Variants in LAIR1 observed in about 807,000 individuals in gnomAD.
LAIR1 encodes the protein leukocyte associated immunoglobulin like receptor 1.
LAIR1 carries 24 observed loss-of-function variants against 32.8 expected under a neutral mutation model. The observed-to-expected ratio is 0.73, with a 90% CI of 0.53 to 1.03. The LOEUF (loss-of-function observed/expected upper bound fraction) is 1.03, where lower values mean the gene tolerates loss of function less well. Ranked by LOEUF, LAIR1 falls within the 50% of genes least tolerant of loss-of-function variation. The probability of loss-of-function intolerance (pLI) is 0.00; values close to 1 mark genes in which losing one functional copy is unlikely to be tolerated. For missense variants in LAIR1, 355 were observed against 347.5 expected (o/e 1.02, Z -0.17); for synonymous variants, 150 against 140.5 (o/e 1.07, Z -0.48).
chr19:54,358,106 T>C (rs1296188342), intron 4 of LAIR1: 1 of 145,878 alleles, frequency 6.9e-6, no homozygotes, highest in Non-Finnish European at 1.5e-5. Context: ...TTATAATATA[T>C]GTTACATATA....
chr19:54,356,876 C>T (rs1355651020), intron 5 of LAIR1, 52 bp downstream of exon 5: 1 of 1,605,856 alleles, frequency 6.2e-7, no homozygotes, highest in African/African-American at 1.3e-5. Flanking sequence ...CCTCTTTCTC[C>T]TTCCCCAAGA....
In LAIR1 at chr19:54,364,230, C is replaced by T. The variant is rs2082153224; in HGVS notation, c.70+65G>A. On this transcript the variant is annotated intron_variant, in intron 2 of 9. Coordinates refer to ENST00000391742, the MANE Select transcript of LAIR1 (RefSeq NM_002287.6). This position sits in a 1 kb window ranked among gnomAD's most constrained non-coding sequence, Gnocchi z 4.8. Reference sequence around the variant, plus strand: ...AGGCCCTCTAAGAATCAACATCACTCCCACCCAGCACTGCCCTTGGGGTGA... The same window carrying T: ...AGGCCCTCTAAGAATCAACATCACTTCCACCCAGCACTGCCCTTGGGGTGA... 2.0e-6 allele frequency: 3 copies of T among 1,526,670 alleles called. No homozygotes were observed. The highest frequency in any genetic ancestry group is 2.8e-5 in the African/African-American group (2 of 72,416). The allele number at this position is 1,526,670 out of a possible 1,614,324, so 94.6% of individuals were successfully genotyped here.
In LAIR1 at chr19:54,364,302, C is replaced by G. The variant is rs368266206; in HGVS notation, c.63G>C (p.Thr21=). Residue 21 remains threonine, a synonymous_variant, in exon 2 of 10, where the codon ACG becomes ACC. Coordinates refer to ENST00000391742, the MANE Select transcript of LAIR1 (RefSeq NM_002287.6). This position sits in a 1 kb window ranked among gnomAD's most constrained non-coding sequence, Gnocchi z 4.8. ...GACGAAGGCATGACTTACCCTCCTGCGTGTGGATGGTCTGGGCCAGGCAGA... is the reference window on the plus strand; with the variant it reads ...GACGAAGGCATGACTTACCCTCCTGGGTGTGGATGGTCTGGGCCAGGCAGA... ...LVLCLAQTIH[T]QEEDLPRPSI... The G allele has an allele frequency of 1.2e-6, 2 of 1,613,694 alleles. No homozygotes were observed. Among genetic ancestry groups the G allele is most frequent in the Non-Finnish European group, 1.7e-6 (2 of 1,179,772 alleles).
In LAIR1 at chr19:54,354,123, A is replaced by G. The variant is rs899988973; in HGVS notation, c.*1145T>C. The G allele has an allele frequency of 2.6e-5, 4 of 152,160 alleles. No individual in the cohort carries two copies. The highest frequency in any genetic ancestry group is 5.9e-5 in the Non-Finnish European group (4 of 68,034). The allele number at this position is 152,160 out of a possible 1,614,324, so 9.4% of individuals were successfully genotyped here. A position where few individuals can be genotyped will look rare whatever the true frequency, so the allele number is the denominator to read the frequency against. ...CATAGGGTAATTTTCTGTGTCAATC[A>G]GTACATCTGACCCTACAGGTAGGGT... On this transcript the variant is annotated 3_prime_UTR_variant, in exon 10 of 10. Coordinates refer to ENST00000391742, the MANE Select transcript of LAIR1 (RefSeq NM_002287.6).
upstream of LAIR1, among the ~76,000 whole-genome samples, chr19:54,373,133 A>C (rs2082444683): frequency 2.0e-5 from 3 of 150,728 alleles, no homozygotes. Flanking sequence ...ACTCTGTCCT[A>C]AAAAAACAAA....
chr19:54,364,796 G>T lies in LAIR1; in HGVS notation c.9C>A (p.Pro3=), dbSNP rs777781568. 47 of 1,613,948 alleles carry T rather than the reference G, an allele frequency of 2.9e-5. No homozygotes were observed. The highest frequency in any genetic ancestry group is 1.1e-4 in the South Asian group (10 of 91,080). MS[P]HPTALLGLVL... is the part of the protein sequence containing the mutation. ...CTAGGCCCAGGAGGGCGGTGGGGTG[G>T]GGAGACATGGCCCAGGTCCCAGCAG... The change falls in exon 1 of 10, where the codon CCC becomes CCA. Residue 3 remains proline, a synonymous_variant. Transcript: ENST00000391742. The surrounding 1 kb of genome is among the most constrained non-coding windows in gnomAD (Gnocchi z 4.8).
At chr19:54,356,691 A>C in intron 5 of LAIR1, 72 bp from the exon 6 acceptor site, 4 of 1,464,692 alleles carry the variant, frequency 2.7e-6, no homozygotes, top group Non-Finnish European at 3.8e-6. Flanking sequence ...CACACACGTC[A>C]CGTGCGTTTC....
intron 4 of LAIR1, chr19:54,358,371 C>T (rs1274955768): frequency 1.1e-5 from 2 of 185,936 alleles, no homozygotes; most frequent in Non-Finnish European, 1.8e-5. Context: ...ATATAATTAT[C>T]TTCCTTATAT....
intron 5 of LAIR1, 74 bp from the exon 6 acceptor site, chr19:54,356,693 G>A (rs1028832617): frequency 1.5e-5 from 22 of 1,452,782 alleles, no homozygotes; most frequent in Admixed American, 6.9e-5. Context: ...CACACGTCAC[G>A]TGCGTTTCAT....
In LAIR1 at chr19:54,361,191, G is replaced by T. The variant is rs145871583; in HGVS notation, c.89C>A (p.Ser30Tyr). The change falls in exon 3 of 10, where the codon TCC (serine) becomes TAC (tyrosine). Residue 30 changes from serine (S) to tyrosine (Y), a missense_variant. Transcript: ENST00000391742. The stretch of plus-strand genomic sequence containing the variant: ...CACGGTGCCTGGCTCAGCCGAGATG[G>T]AGGGTCTGGGCAGATCTTCTAGGAG... ...HTQEEDLPRP[S>Y]ISAEPGTVIP... The T allele has an allele frequency of 8.1e-4, 1,302 of 1,614,202 alleles. 12 individuals are homozygous for T. In the African/African-American group the frequency reaches 0.014, roughly 18 times the overall value.
At chr19:54,356,827 C>T (rs1309888020) in intron 5 of LAIR1, 101 bp downstream of exon 5, 3 of 1,450,822 alleles carry the variant, frequency 2.1e-6, no homozygotes, top group Non-Finnish European at 2.9e-6. Context: ...CACAGACTGC[C>T]ATTGGCAGAG....
At chr19:54,358,161 A>G (rs1189064898) in intron 4 of LAIR1, 2 of 143,280 alleles carry the variant, frequency 1.4e-5, no homozygotes, top group African/African-American at 2.6e-5. Flanking sequence ...ATATAAACCT[A>G]TGATTAAATA....
Position 54,370,331 on chromosome 19 carries a change from C to T in LAIR1, c.-54G>A. The T allele has an allele frequency of 2.6e-6, 4 of 1,512,382 alleles. No individual in the cohort carries two copies. In the South Asian group the frequency reaches 3.7e-5, roughly 14 times the overall value. The allele number at this position is 1,512,382 out of a possible 1,614,324, so 93.7% of individuals were successfully genotyped here. A position where few individuals can be genotyped will look rare whatever the true frequency, so the allele number is the denominator to read the frequency against. On this transcript the variant is annotated 5_prime_UTR_variant, in exon 1 of 9. Coordinates refer to the LAIR1 transcript ENST00000391743. ...AAGACCTCAGGACGATGATCATCTT[C>T]ATAGGATTCCCGACCTGTGCCTGGC...
At chr19:54,365,333 T>G (rs1387518997), upstream of LAIR1, among the ~76,000 whole-genome samples, 1 of 120,978 alleles carries the variant, frequency 8.3e-6, no homozygotes, top group East Asian at 2.1e-4. Flanking sequence ...CATATTATTT[T>G]TTTAAGGAGA....
chr19:54,364,537 TC>T lies in LAIR1; in HGVS notation c.35-208del, dbSNP rs1418384730. On this transcript the variant is annotated intron_variant, in intron 1 of 9. Transcript: ENST00000391742. This position sits in a 1 kb window ranked among gnomAD's most constrained non-coding sequence, Gnocchi z 4.8. ...CCAAAGTCTCCTCCTCCAAAAAGGCTCCTGCTCCCCCAGCCCTTCTTAAAGC... is the reference window on the plus strand; with the variant it reads ...CCAAAGTCTCCTCCTCCAAAAAGGCTCTGCTCCCCCAGCCCTTCTTAAAGC... 1 of 802,668 alleles carries T rather than the reference TC, an allele frequency of 1.2e-6. No homozygotes were observed. The highest frequency in any genetic ancestry group is 2.2e-6 in the Non-Finnish European group (1 of 462,430). The allele number at this position is 802,668 out of a possible 1,614,324, so 49.7% of individuals were successfully genotyped here. A position where few individuals can be genotyped will look rare whatever the true frequency, so the allele number is the denominator to read the frequency against.
rs1237032185 is a variant in LAIR1 at position 54,360,980 on chromosome 19, G to A, written c.300C>T (p.Arg100=). The A allele has an allele frequency of 1.2e-6, 2 of 1,614,250 alleles. No homozygotes were observed. The highest frequency in any genetic ancestry group is 2.2e-5 in the East Asian group (1 of 44,888). ...SVREGNAGLY[R]CIYYKPPKWS... Reference sequence around the variant, plus strand: ...ATTTAGGGGGCTTATAATAGATGCAGCGATAAAGCCCGGCATTTCCTTCTC... The same window carrying A: ...ATTTAGGGGGCTTATAATAGATGCAACGATAAAGCCCGGCATTTCCTTCTC... Residue 100 remains arginine (R), a synonymous_variant, in exon 3 of 10, where the codon CGC becomes CGT. Coordinates refer to ENST00000391742, the MANE Select transcript of LAIR1 (RefSeq NM_002287.6).
At chr19:54,362,075 A>G (rs1216979940) in intron 2 of LAIR1, among the ~76,000 whole-genome samples, 2 of 151,936 alleles carry the variant, frequency 1.3e-5, no homozygotes, top group Non-Finnish European at 2.9e-5. Context: ...TTTAAGGTGT[A>G]CAACATGATG....
Position 54,360,928 on chromosome 19 carries a change from G to A in LAIR1, c.352C>T (p.Leu118=). 6.2e-7 allele frequency: 1 copy of A among 1,612,622 alleles called. No homozygotes were observed. Among genetic ancestry groups the A allele is most frequent in the South Asian group, 1.1e-5 (1 of 91,044 alleles). ...KWSEQSDYLE[L]LVKESSGGPD... is the part of the protein sequence containing the mutation. ...GTGACGTCCTCACCTTTCACCAGCA[G>A]CTCCAGGTAGTCACTCTGCTCAGAC... Residue 118 remains leucine, a synonymous_variant, in exon 3 of 10, where the codon CTG becomes TTG. Transcript: ENST00000391742.
Position 54,355,067 on chromosome 19 carries a change from T to C in LAIR1, c.*201A>G, listed in dbSNP as rs546662558. ...ACAGTCTGTCCAAGGAGCTGCTCGA[T>C]TGTAGAAGGGACCACCTGGCTAACG... is the stretch of plus-strand genomic sequence containing the variant. On this transcript the variant is annotated 3_prime_UTR_variant, in exon 10 of 10. Transcript: ENST00000391742. The surrounding 1 kb of genome is among the most constrained non-coding windows in gnomAD (Gnocchi z 4.7). The C allele has an allele frequency of 1.5e-5, 8 of 532,836 alleles. No individual in the cohort carries two copies. Among genetic ancestry groups the C allele is most frequent in the African/African-American group, 5.9e-5 (3 of 50,990 alleles). The allele number at this position is 532,836 out of a possible 1,614,324, so 33.0% of individuals were successfully genotyped here. A position where few individuals can be genotyped will look rare whatever the true frequency, so the allele number is the denominator to read the frequency against.
Sources: gnomAD v4.1 joint callset for allele counts (sites outside exome capture counted in the v4.1 genomes callset) on GRCh38, gnomAD v4.1.1 for gene constraint, Gnocchi (gnomAD v3.1) non-coding constraint, MANE v1.5 for transcripts, NCBI Gene and HGNC (gene_info 2026-07-23, HGNC 2026-07-21) for gene names.